Variants in SLF2 observed in about 807,000 individuals in gnomAD.
SLF2 encodes the protein SMC5-SMC6 complex localization factor protein 2.
SLF2 carries 68 observed loss-of-function variants against 124.3 expected under a neutral mutation model. The observed-to-expected ratio is 0.55, with a 90% confidence interval of 0.45 to 0.67. The LOEUF (loss-of-function observed/expected upper bound fraction) is 0.67, where lower values mean the gene tolerates loss of function less well. Among genes scored for constraint, SLF2 ranks in the 30% least tolerant of loss-of-function variants. SLF2 has a pLI of 0.00. For missense variants in SLF2, 1,246 were observed against 1,373.7 expected (o/e 0.91, Z 1.47); for synonymous variants, 480 against 478.8 (o/e 1.00, Z -0.03).
At chr10:100,957,517 A>T (rs1246610973) in intron 18 of SLF2, among the ~76,000 whole-genome samples, 6 of 140,612 alleles carry the variant, frequency 4.3e-5, no homozygotes, top group Non-Finnish European at 7.8e-5. Flanking sequence ...TGCCCGGCAA[A>T]TTTTTTTTTT....
intron 4 of SLF2, among the ~76,000 whole-genome samples, chr10:100,921,518 T>G (rs1849524373): frequency 6.6e-6 from 1 of 152,228 alleles, no homozygotes; most frequent in Non-Finnish European, 1.5e-5. Context: ...ATTATGAACA[T>G]TTTGCAATTA....
At chr10:100,930,711 A>T (rs1351977608) in intron 8 of SLF2, among the ~76,000 whole-genome samples, 2 of 152,326 alleles carry the variant, frequency 1.3e-5, no homozygotes, top group Non-Finnish European at 2.9e-5. Context: ...CTGAGACTTG[A>T]TAGGCTCTTT....
At chr10:100,959,939 T>C (rs972327568) in intron 19 of SLF2, among the ~76,000 whole-genome samples, 4 of 152,208 alleles carry the variant, frequency 2.6e-5, no homozygotes, top group African/African-American at 7.2e-5. Context: ...CCCTTTCCTC[T>C]ACTACCTTGG....
chr10:100,938,425 A>C (rs1208911812), intron 10 of SLF2, among the ~76,000 whole-genome samples, 170 bp from the exon 11 acceptor site: 1 of 152,172 alleles, frequency 6.6e-6, no homozygotes, highest in Non-Finnish European at 1.5e-5. Context: ...TTATTTGGGA[A>C]TCTGTAATTC....
Position 100,956,551 on chromosome 10 carries a change from T to G in SLF2, c.3417+14T>G. 1 of 1,537,172 alleles carries G rather than the reference T, an allele frequency of 6.5e-7. No individual in the cohort carries two copies. Among genetic ancestry groups the G allele is most frequent in the East Asian group, 2.2e-5 (1 of 44,546 alleles). ...TACAGAACTAAGGTAAGTGTGTTCT[T>G]TCTTTTTTTCTTTTTTTTTTTCTTA... On this transcript the variant is annotated intron_variant, in intron 18 of 19. Transcript: ENST00000238961.
chr10:100,960,996 T>TCC (rs1850417021), intron 19 of SLF2, among the ~76,000 whole-genome samples: 5 of 116,644 alleles, frequency 4.3e-5, no homozygotes, highest in Non-Finnish European at 7.1e-5. Flanking sequence ...TATTCTGTAC[T>TCC]TCTTTTTTTT....
intron 17 of SLF2, among the ~76,000 whole-genome samples, chr10:100,953,021 C>A (rs1850249994): frequency 6.6e-6 from 1 of 151,920 alleles, no homozygotes; most frequent in African/African-American, 2.4e-5. Context: ...ATATTTTATA[C>A]ATTTTTTTTT....
At chr10:100,955,157 G>T (rs1850306018) in intron 17 of SLF2, among the ~76,000 whole-genome samples, 1 of 151,714 alleles carries the variant, frequency 6.6e-6, no homozygotes, top group African/African-American at 2.4e-5. Context: ...AGTGAGGATG[G>T]TCTTGATCTC....
At chr10:100,961,558 G>A (rs1169616428) in intron 19 of SLF2, among the ~76,000 whole-genome samples, 7 of 152,148 alleles carry the variant, frequency 4.6e-5, no homozygotes, top group Non-Finnish European at 7.3e-5. Flanking sequence ...ATGTACTGAT[G>A]TGGTATTAAA....
chr10:100,947,661 A>G, intron 14 of SLF2, 99 bp from the exon 15 acceptor site: 1 of 746,648 alleles, frequency 1.3e-6, no homozygotes, highest in Non-Finnish European at 2.2e-6. Context: ...CATTGCCTAT[A>G]TTTCCAATTA....
chr10:100,950,988 C>T (rs755518447), intron 17 of SLF2, among the ~76,000 whole-genome samples: 1 of 152,186 alleles, frequency 6.6e-6, no homozygotes, highest in Non-Finnish European at 1.5e-5. Context: ...CGCCTGTAAT[C>T]CCAACACTTT....
At chr10:100,941,447 A>G (rs563860136) in intron 11 of SLF2, among the ~76,000 whole-genome samples, 2 of 152,062 alleles carry the variant, frequency 1.3e-5, no homozygotes, top group Non-Finnish European at 2.9e-5. Context: ...CACCTATGTC[A>G]TATCTATTCA....
chr10:100,949,942 A>G lies in SLF2; in HGVS notation c.3121-134A>G, dbSNP rs554698185. ...AATTCAGGGTTTTACATAAAGGGAA[A>G]ATGGATATTGTTAAGTGTAAAGAAA... On this transcript the variant is annotated intron_variant, in intron 15 of 19. Transcript: ENST00000238961. 9.7e-5 allele frequency: 87 copies of G among 900,354 alleles called. No individual in the cohort carries two copies. The African/African-American group carries it at 1.4e-3, about 14-fold the overall frequency. 55.8% of individuals were successfully genotyped at this position (900,354 alleles called of 1,614,324 possible). A position where few individuals can be genotyped will look rare whatever the true frequency, so the allele number is the denominator to read the frequency against.
At chr10:100,933,782 C>A (rs369908758) in intron 9 of SLF2, among the ~76,000 whole-genome samples, 1 of 152,152 alleles carries the variant, frequency 6.6e-6, no homozygotes, top group Non-Finnish European at 1.5e-5. Context: ...TAGGTTCAAG[C>A]AATTCTCCTG....
At chr10:100,954,338 T>C (rs1850284211) in intron 17 of SLF2, among the ~76,000 whole-genome samples, 1 of 152,170 alleles carries the variant, frequency 6.6e-6, no homozygotes, top group African/African-American at 2.4e-5. Context: ...ATAAACAGTA[T>C]GTTTTTTGTG....
At position 100,962,032 on chromosome 10, in the gene SLF2, C is replaced by A; in HGVS notation, c.*120C>A. Reference sequence around the variant, plus strand: ...CCAAGAAAATGTACAGCAAATGTGCCACTTGAATATCTAGTATGAAGCTGG... The same window carrying A: ...CCAAGAAAATGTACAGCAAATGTGCAACTTGAATATCTAGTATGAAGCTGG... On this transcript the variant is annotated 3_prime_UTR_variant, in exon 20 of 20. Transcript: ENST00000238961. The A allele has an allele frequency of 2.3e-6, 2 of 864,118 alleles. No homozygotes were observed. Among genetic ancestry groups the A allele is most frequent in the Non-Finnish European group, 3.5e-6 (2 of 565,938 alleles). The allele number at this position is 864,118 out of a possible 1,614,324, so 53.5% of individuals were successfully genotyped here.
chr10:100,930,136 T>G, intron 8 of SLF2, 139 bp downstream of exon 8: 1 of 510,298 alleles, frequency 2.0e-6, no homozygotes, highest in Non-Finnish European at 3.3e-6. Context: ...CTATTGATCT[T>G]TATGTTTTCT....
intron 15 of SLF2, 117 bp from the exon 16 acceptor site, chr10:100,949,959 G>T: frequency 9.7e-7 from 1 of 1,035,286 alleles, no homozygotes; most frequent in Non-Finnish European, 1.3e-6. Context: ...ATTGTTAAGT[G>T]TAAAGAAAGC....
chr10:100,916,654 A>T lies in SLF2; in HGVS notation c.269A>T (p.Glu90Val). Residue 90 changes from glutamate to valine, a missense_variant, in exon 3 of 20, where the codon GAA (glutamate) becomes GTA (valine). By Grantham distance (121) the Glu-to-Val change is moderately radical. Around this residue, in one of 3 missense-constraint regions of SLF2, gnomAD observed 698 missense variants for 708.9 expected, o/e 0.98. Coordinates refer to ENST00000238961, the MANE Select transcript of SLF2 (RefSeq NM_018121.4). The stretch of plus-strand genomic sequence containing the variant: ...TCTATCACTGGGACAGAGCAGTTTG[A>T]AAGGAAACTATCCTCACCAAAAGAA... ...RLSITGTEQF[E>V]RKLSSPKESK... 6.6e-7 allele frequency: 1 copy of T among 1,523,512 alleles called. No homozygotes were observed. The highest frequency in any genetic ancestry group is 8.8e-7 in the Non-Finnish European group (1 of 1,141,376). 94.4% of individuals were successfully genotyped at this position (1,523,512 alleles called of 1,614,324 possible). A position where few individuals can be genotyped will look rare whatever the true frequency, so the allele number is the denominator to read the frequency against.
Sources: gnomAD v4.1 joint callset for allele counts (sites outside exome capture counted in the v4.1 genomes callset) on GRCh38, gnomAD v4.1.1 for gene constraint, gnomAD v4.1.1 regional missense constraint, MANE v1.5 for transcripts, NCBI Gene and HGNC (gene_info 2026-07-23, HGNC 2026-07-21) for gene names.